Variants in TSGA10 observed in about 807,000 individuals in gnomAD.
The protein encoded by TSGA10 is testis-specific gene 10 protein.
TSGA10 carries 43 observed loss-of-function variants against 96.6 expected under a neutral mutation model. The observed-to-expected ratio is 0.44, with a 90% CI of 0.35 to 0.57. The LOEUF (loss-of-function observed/expected upper bound fraction) is 0.57, where lower values mean the gene tolerates loss of function less well. TSGA10 is among the 20% of genes least tolerant of loss of function. The pLI is 0.01. For missense variants in TSGA10, 703 were observed against 834.4 expected (o/e 0.84, Z 1.94); for synonymous variants, 229 against 269.9 (o/e 0.85, Z 1.48).
intron 16 of TSGA10, among the ~76,000 whole-genome samples, chr2:99,064,132 A>G (rs2084994824): frequency 6.6e-6 from 1 of 152,226 alleles, no homozygotes; most frequent in East Asian, 1.9e-4. Context: ...TACTCCAGGC[A>G]TATAGCTTTT....
At chr2:99,101,161 G>A (rs1574356038) in intron 10 of TSGA10, among the ~76,000 whole-genome samples, 2 of 139,998 alleles carry the variant, frequency 1.4e-5, no homozygotes, top group African/African-American at 2.6e-5. Context: ...GGAGAATGGC[G>A]TGAACCCGGG....
At chr2:99,110,369 A>T in intron 5 of TSGA10, among the ~76,000 whole-genome samples, 1 of 152,248 alleles carries the variant, frequency 6.6e-6, no homozygotes, top group East Asian at 1.9e-4. Context: ...GGAGAAAATT[A>T]TAGATATACT....
chr2:99,020,446 C>A lies in TSGA10; in HGVS notation c.1651G>T (p.Glu551Ter). Residue 551 changes from glutamate (E) to a stop codon, truncating the protein, a stop_gained, in exon 18 of 21, where the codon GAA (glutamate) becomes TAA (stop). Transcript: ENST00000393483. LOFTEE classifies it high-confidence loss of function. Reference protein sequence around the residue: ...NELDSAHSEIELLRSQMANER... With the variant: ...NELDSAHSEI ...TTTGCCATCTGACTCCTCAGGAGTT[C>A]AATTTCAGAATGAGCAGAATCTAAC... 6.2e-7 allele frequency: 1 copy of A among 1,613,656 alleles called. No homozygotes were observed. Among genetic ancestry groups the A allele is most frequent in the South Asian group, 1.1e-5 (1 of 91,030 alleles).
At position 99,135,236 on chromosome 2, in the gene TSGA10, A is replaced by C. The variant is rs528316077; in HGVS notation, c.-620-8060T>G. ...CAGGGAGATAGGAGTTTTATCTATA[A>C]GCCCCTGACTGGGGCTGCTGCCTTT... On this transcript the variant is annotated intron_variant, in intron 1 of 20. Coordinates refer to ENST00000393483, the MANE Select transcript of TSGA10 (RefSeq NM_025244.4). Among the ~76,000 whole-genome samples, 100 of 152,312 alleles carry C rather than the reference A, an allele frequency of 6.6e-4. 1 individual carries two copies. The highest frequency in any genetic ancestry group is 2.3e-3 in the African/African-American group (96 of 41,566).
chr2:99,101,764 A>C (rs1442706827), intron 10 of TSGA10, among the ~76,000 whole-genome samples: 1 of 152,232 alleles, frequency 6.6e-6, no homozygotes, highest in Non-Finnish European at 1.5e-5. Flanking sequence ...ACAAACACTG[A>C]AATTATGCTA....
intron 10 of TSGA10, among the ~76,000 whole-genome samples, chr2:99,083,288 A>G (rs138322708): frequency 2.4e-4 from 36 of 152,312 alleles, no homozygotes; most frequent in Middle Eastern, 3.4e-3. Flanking sequence ...AACTGATAAA[A>G]TGTGACACCA....
chr2:99,142,359 T>A (rs765210547), intron 1 of TSGA10: 26 of 152,182 alleles, frequency 1.7e-4, no homozygotes, highest in Admixed American at 7.8e-4. Context: ...ATTTCAAGAG[T>A]AAGCTCTCGT....
intron 12 of TSGA10, among the ~76,000 whole-genome samples, chr2:99,077,104 C>T (rs2086794307): frequency 7.6e-6 from 1 of 131,838 alleles, no homozygotes; most frequent in Admixed American, 8.0e-5. Flanking sequence ...ACACTAGAGG[C>T]TTTGAGAAGG....
intron 3 of TSGA10, 25 bp downstream of exon 3, chr2:99,118,526 C>T (rs929614460): frequency 2.0e-5 from 19 of 960,222 alleles, no homozygotes; most frequent in Non-Finnish European, 2.3e-5. Flanking sequence ...TTTAAAAAGT[C>T]CTTTTGAAAG....
chr2:99,063,816 T>C (rs994858355), intron 16 of TSGA10, among the ~76,000 whole-genome samples: 2 of 151,548 alleles, frequency 1.3e-5, no homozygotes, highest in African/African-American at 2.4e-5. Flanking sequence ...AAAAAATATA[T>C]ATATATGAAA....
rs575020619 is a variant in TSGA10, at chr2:99,081,123, G to T, written c.727+159C>A. Among the ~76,000 whole-genome samples the T allele has an allele frequency of 1.4e-3, 213 of 152,090 alleles. 1 individual carries two copies. The highest frequency in any genetic ancestry group is 3.4e-3 in the Middle Eastern group (1 of 294). On this transcript the variant is annotated intron_variant, in intron 11 of 20. Transcript: ENST00000393483. ...TATGGTGCTAAATCTAAAAAATTTT[G>T]CTGTCAAAGAAAAATGAATTTCTCT... is the stretch of plus-strand genomic sequence containing the variant.
At chr2:99,151,870 T>G (rs2093697670) in intron 1 of TSGA10, among the ~76,000 whole-genome samples, 1 of 152,176 alleles carries the variant, frequency 6.6e-6, no homozygotes, top group African/African-American at 2.4e-5. Context: ...TATCTGGTAG[T>G]TGGAAATCTC....
intron 10 of TSGA10, among the ~76,000 whole-genome samples, chr2:99,095,005 CATCA>C (rs1418743953): frequency 6.6e-6 from 1 of 152,134 alleles, no homozygotes; most frequent in Non-Finnish European, 1.5e-5. Flanking sequence ...CCCAAATGTC[CATCA>C]ATCAATAAAT....
chr2:99,150,043 T>G (rs1174672281), intron 1 of TSGA10, among the ~76,000 whole-genome samples: 7 of 151,804 alleles, frequency 4.6e-5, no homozygotes, highest in Non-Finnish European at 1.0e-4. Context: ...TCCACCCGCC[T>G]CGGCCCCCAA....
Position 99,063,321 on chromosome 2 carries a change from G to T in TSGA10, c.1404+1618C>A, listed in dbSNP as rs1380316398. ...TCTCTCTGGCCTTGGGATTGTATAG[G>T]ATTTCTTAAAGAAGACATAAAAGTA... is the stretch of plus-strand genomic sequence containing the variant. On this transcript the variant is annotated intron_variant, in intron 16 of 20. Transcript: ENST00000393483. Among the ~76,000 whole-genome samples the T allele has an allele frequency of 3.3e-5, 5 of 152,168 alleles. No individual in the cohort carries two copies. In the East Asian group the frequency reaches 9.7e-4, roughly 29 times the overall value.
rs548923435 is a variant in TSGA10, at chr2:99,072,816, T to C, written c.938+202A>G. Among the ~76,000 whole-genome samples the C allele has an allele frequency of 1.1e-4, 16 of 152,314 alleles. No individual in the cohort carries two copies. The South Asian group carries it at 3.1e-3, about 30-fold the overall frequency. On this transcript the variant is annotated intron_variant, in intron 13 of 20. Transcript: ENST00000393483. Reference sequence around the variant, plus strand: ...TGGTTCTTTGCTATTCTTTCTACTTTAAATGCCCTTCCCTTCCCCTTATTT... The same window carrying C: ...TGGTTCTTTGCTATTCTTTCTACTTCAAATGCCCTTCCCTTCCCCTTATTT...
rs186553142 is a variant in TSGA10, at chr2:99,147,286, C to A, written c.-621+7407G>T. On this transcript the variant is annotated intron_variant, in intron 1 of 20. Coordinates refer to ENST00000393483, the MANE Select transcript of TSGA10 (RefSeq NM_025244.4). The stretch of plus-strand genomic sequence containing the variant: ...AAAGTGCTGGAATTACAGGCGTGAG[C>A]CATTGTGCCCAGCCGCGTAGCCTAT... The A allele has an allele frequency of 2.7e-4, 147 of 537,544 alleles. No homozygotes were observed. The East Asian group carries it at 4.3e-3, about 16-fold the overall frequency. 33.3% of individuals were successfully genotyped at this position (537,544 alleles called of 1,614,324 possible). A position where few individuals can be genotyped will look rare whatever the true frequency, so the allele number is the denominator to read the frequency against.
chr2:99,067,652 A>G (rs369734748), intron 15 of TSGA10, among the ~76,000 whole-genome samples: 145 of 152,240 alleles, frequency 9.5e-4, no homozygotes, highest in African/African-American at 3.3e-3. Flanking sequence ...CAGAAGTTCG[A>G]GACCAGACTG....
chr2:99,118,787 G>C (rs1047407815), intron 2 of TSGA10, 101 bp from the exon 3 acceptor site: 82 of 410,884 alleles, frequency 2.0e-4, no homozygotes, highest in Non-Finnish European at 2.5e-4. Flanking sequence ...CTGCCCTCAG[G>C]GAACTCTTTG....
Sources: gnomAD v4.1 joint callset for allele counts (sites outside exome capture counted in the v4.1 genomes callset) on GRCh38, gnomAD v4.1.1 for gene constraint, MANE v1.5 for transcripts, NCBI Gene and HGNC (gene_info 2026-07-23, HGNC 2026-07-21) for gene names.